The following SV2C variants were observed in gnomAD, a reference collection of about 807,000 sequenced individuals.
SV2C encodes synaptic vesicle glycoprotein 2C.
A neutral mutation model predicts 79.7 loss-of-function variants in SV2C; 49 were observed. That is an observed-to-expected ratio of 0.61 (90% confidence interval 0.49 to 0.78). SV2C has a LOEUF of 0.78. Ranked by LOEUF, SV2C falls within the 30% of genes least tolerant of loss-of-function variation. The pLI, the probability that SV2C is intolerant of heterozygous loss-of-function variation, is 0.00. For synonymous variants in SV2C, 334 were observed against 333.2 expected (o/e 1.00, Z -0.03); for missense variants, 833 against 912.9 (o/e 0.91, Z 1.13).
the SV2C span, among the ~76,000 whole-genome samples, chr5:76,073,503 G>GTGTGTATA: frequency 3.9e-4 from 26 of 67,440 alleles, no homozygotes; most frequent in African/African-American, 1.4e-3. Flanking sequence ...GTATGTGTGT[G>GTGTGTATA]TATATATATA....
chr5:75,922,393 TAAAA>T, the SV2C span, among the ~76,000 whole-genome samples: 66 of 152,038 alleles, frequency 4.3e-4, no homozygotes, highest in Non-Finnish European at 8.4e-4. Context: ...TAAAATTAAA[TAAAA>T]AAATTGAATT....
chr5:76,227,996 T>C (rs1400528494), intron 4 of SV2C, among the ~76,000 whole-genome samples: 2 of 152,200 alleles, frequency 1.3e-5, no homozygotes, highest in Admixed American at 1.3e-4. Context: ...GCTAAGCTAC[T>C]GCAAGATTAT....
At chr5:76,153,424 G>C (rs1742619525) in intron 2 of SV2C, among the ~76,000 whole-genome samples, 1 of 152,192 alleles carries the variant, frequency 6.6e-6, no homozygotes, top group South Asian at 2.1e-4. Context: ...CTTCCCAAGA[G>C]TTGGCCCTTG....
chr5:75,858,385 G>A, the SV2C span, among the ~76,000 whole-genome samples: 1 of 152,144 alleles, frequency 6.6e-6, no homozygotes, highest in Admixed American at 6.5e-5. Context: ...CCTTCATTCT[G>A]TTGATATTAA....
rs1035916984 is a variant in SV2C, at chr5:76,172,762, C to T, written c.581-22157C>T. On this transcript the variant is annotated intron_variant, in intron 2 of 12. Coordinates refer to ENST00000502798, the MANE Select transcript of SV2C (RefSeq NM_014979.4). ...GTGACCTTACCCCCAACCCTGTGCTCTCTGAAACATGTGCTGTGTCCACTC... is the reference window on the plus strand; with the variant it reads ...GTGACCTTACCCCCAACCCTGTGCTTTCTGAAACATGTGCTGTGTCCACTC... Among the ~76,000 whole-genome samples the T allele has an allele frequency of 3.0e-4, 24 of 80,798 alleles. No homozygotes were observed. In the South Asian group the frequency reaches 0.01, roughly 35 times the overall value. The allele number at this position is 80,798 out of a possible 152,430, so 53.0% of individuals were successfully genotyped here.
chr5:76,124,738 A>G (rs925168811), intron 1 of SV2C, among the ~76,000 whole-genome samples: 3 of 152,214 alleles, frequency 2.0e-5, no homozygotes, highest in African/African-American at 7.2e-5. Flanking sequence ...AACAGTGCAC[A>G]TGGCTCCATA....
chr5:76,002,135 C>A, the SV2C span, among the ~76,000 whole-genome samples: 1 of 150,490 alleles, frequency 6.6e-6, no homozygotes, highest in Admixed American at 6.7e-5. Flanking sequence ...TATTTCATTC[C>A]ATTTTATAGA....
At chr5:76,233,014 G>A (rs1266071658) in intron 4 of SV2C, among the ~76,000 whole-genome samples, 2 of 140,638 alleles carry the variant, frequency 1.4e-5, no homozygotes, top group African/African-American at 3.2e-5. Context: ...CATTGAATCT[G>A]TAAATTACCT....
At chr5:76,077,173 C>T in the SV2C span, among the ~76,000 whole-genome samples, 2 of 151,952 alleles carry the variant, frequency 1.3e-5, no homozygotes, top group African/African-American at 4.8e-5. Context: ...GTAGTAGTTT[C>T]ATTTAAAAAA....
the SV2C span, among the ~76,000 whole-genome samples, chr5:75,908,417 A>G: frequency 6.6e-6 from 1 of 152,256 alleles, no homozygotes; most frequent in Non-Finnish European, 1.5e-5. Flanking sequence ...ATGGCTGAAT[A>G]ATATTCCATT....
chr5:76,007,015 A>G, the SV2C span, among the ~76,000 whole-genome samples: 1 of 152,148 alleles, frequency 6.6e-6, no homozygotes, highest in Non-Finnish European at 1.5e-5. Context: ...TTCACAGTGT[A>G]AGTACTAAAA....
chr5:76,012,960 C>T, the SV2C span, among the ~76,000 whole-genome samples: 2 of 152,092 alleles, frequency 1.3e-5, no homozygotes, highest in African/African-American at 4.8e-5. Flanking sequence ...TTCTTTTGGT[C>T]TATATATCTG....
chr5:76,071,794 A>G, the SV2C span, among the ~76,000 whole-genome samples: 1 of 152,252 alleles, frequency 6.6e-6, no homozygotes, highest in Admixed American at 6.5e-5. Flanking sequence ...TGGAGCAGGA[A>G]GATTATACAA....
At chr5:76,032,555 T>C in the SV2C span, among the ~76,000 whole-genome samples, 1 of 152,238 alleles carries the variant, frequency 6.6e-6, no homozygotes, top group Admixed American at 6.5e-5. Flanking sequence ...GTTTCATCCA[T>C]GTCCCTACAA....
At chr5:75,954,452 A>G in the SV2C span, among the ~76,000 whole-genome samples, 1 of 152,022 alleles carries the variant, frequency 6.6e-6, no homozygotes, top group African/African-American at 2.4e-5. Context: ...GAATGGGCAA[A>G]AACTGGAAGC....
Position 76,218,641 on chromosome 5 carries a change from T to C in SV2C, c.913+8754T>C, listed in dbSNP as rs117520318. On this transcript the variant is annotated intron_variant, in intron 4 of 12. Transcript: ENST00000502798. ...CAAGGGGAGGGAGAGCATTAGGACC[T>C]AATGCATGTGGGGCTTTAAACCTAG... 2.1e-3 allele frequency among the ~76,000 whole-genome samples: 323 copies of C among 152,282 alleles called. 13 individuals are homozygous for C. The East Asian group carries it at 0.059, about 28-fold the overall frequency.
the SV2C span, among the ~76,000 whole-genome samples, chr5:76,041,695 G>A: frequency 6.6e-6 from 1 of 152,104 alleles, no homozygotes; most frequent in African/African-American, 2.4e-5. Context: ...TCTGAAGGTG[G>A]TGGTGAGGAA....
At chr5:76,294,950 A>G (rs995737620) in intron 8 of SV2C, among the ~76,000 whole-genome samples, 4 of 152,154 alleles carry the variant, frequency 2.6e-5, no homozygotes, top group Middle Eastern at 3.2e-3. Context: ...AAGATTCCCC[A>G]TTAGCAAAAG....
At chr5:76,053,503 T>A in the SV2C span, among the ~76,000 whole-genome samples, 3 of 152,194 alleles carry the variant, frequency 2.0e-5, no homozygotes, top group Non-Finnish European at 4.4e-5. Context: ...GCTATACTAG[T>A]CAAAGACCAA....
Sources: allele counts gnomAD v4.1 joint callset (sites outside exome capture counted in the v4.1 genomes callset), GRCh38; gene constraint gnomAD v4.1.1; transcripts MANE v1.5; gene names NCBI Gene and HGNC (gene_info 2026-07-23, HGNC 2026-07-21).